Variants in PLAAT3 observed in about 807,000 individuals in gnomAD.
PLAAT3 encodes phospholipase A and acyltransferase 3, also known as Ca-independent phospholipase A1/2.
In PLAAT3, 21 loss-of-function variants were observed where a neutral mutation model predicts 16.7. The ratio of observed to expected loss-of-function variants is 1.26; its 90% CI spans 0.89 to 1.81. The LOEUF is 1.81. Among genes scored for constraint, PLAAT3 ranks in the 40% most tolerant of loss-of-function variants. The pLI is 0.00. For missense variants in PLAAT3, 219 were observed against 213.7 expected, an observed-to-expected ratio of 1.02 and a Z score of -0.16; for synonymous variants, 76 against 81.7, an observed-to-expected ratio of 0.93 and a Z score of 0.38.
At chr11:63,615,242 A>ATATGTGTGTG (rs773527764), upstream of PLAAT3, among the ~76,000 whole-genome samples, 187 of 18,994 alleles carry the variant, frequency 9.8e-3, 28 homozygotes, top group African/African-American at 0.022. Context: ...ATATATGTGT[A>ATATGTGTGTG]TATATGTGTG....
chr11:63,615,430 G>GTGTGTGTA (rs1337633002), upstream of PLAAT3, among the ~76,000 whole-genome samples: 1 of 75,590 alleles, frequency 1.3e-5, no homozygotes, highest in African/African-American at 4.9e-5. Context: ...GTGTGTGTGT[G>GTGTGTGTA]TATATACACA....
upstream of PLAAT3, among the ~76,000 whole-genome samples, chr11:63,615,172 G>GTATATGTGTA (rs1555047910): frequency 5.6e-3 from 102 of 18,300 alleles, 36 homozygotes; most frequent in East Asian, 0.038. Context: ...ATATATGTGT[G>GTATATGTGTA]TATATGTGTG....
chr11:63,592,234 T>C (rs1938171112), intron 3 of PLAAT3, among the ~76,000 whole-genome samples: 1 of 152,148 alleles, frequency 6.6e-6, no homozygotes, highest in Non-Finnish European at 1.5e-5. Flanking sequence ...TGGTGTGATC[T>C]TGGCTCGCTG....
At chr11:63,615,220 G>GTGTA (rs1341619535), upstream of PLAAT3, among the ~76,000 whole-genome samples, 60 of 54,600 alleles carry the variant, frequency 1.1e-3, 15 homozygotes, top group African/African-American at 3.9e-3. Flanking sequence ...ATATATATGT[G>GTGTA]TATATATGTG....
chr11:63,606,607 A>G (rs1016065952), intron 2 of PLAAT3, among the ~76,000 whole-genome samples: 46 of 152,294 alleles, frequency 3.0e-4, no homozygotes, highest in African/African-American at 1.0e-3. Context: ...AGAGTCAGGG[A>G]GACTCCCAGA....
chr11:63,615,428 G>A (rs200045361), upstream of PLAAT3, among the ~76,000 whole-genome samples: 10 of 81,412 alleles, frequency 1.2e-4, no homozygotes, highest in Admixed American at 3.9e-4. Context: ...GTGTGTGTGT[G>A]TGTATATACA....
intron 4 of PLAAT3, among the ~76,000 whole-genome samples, chr11:63,581,254 C>G (rs530518014): frequency 6.6e-6 from 1 of 152,232 alleles, no homozygotes; most frequent in South Asian, 2.1e-4. Context: ...CCTGCGGGGT[C>G]GGGCAGAATA....
intron 4 of PLAAT3, among the ~76,000 whole-genome samples, chr11:63,588,930 G>T (rs1938056300): frequency 6.7e-6 from 1 of 148,418 alleles, no homozygotes. Flanking sequence ...CCATTCAAGT[G>T]GCTGTGGCCC....
At chr11:63,587,006 C>T (rs539738905) in intron 4 of PLAAT3, among the ~76,000 whole-genome samples, 3 of 152,350 alleles carry the variant, frequency 2.0e-5, no homozygotes, top group African/African-American at 7.2e-5. Context: ...ATCACTTGAA[C>T]CCAGGAGGCA....
chr11:63,603,373 A>C (rs1938476476), intron 2 of PLAAT3, among the ~76,000 whole-genome samples: 2 of 152,278 alleles, frequency 1.3e-5, no homozygotes, highest in Middle Eastern at 3.4e-3. Flanking sequence ...CTCTGCACCC[A>C]CGGGATTTCA....
At chr11:63,578,834 A>G (rs1937701912) in intron 4 of PLAAT3, among the ~76,000 whole-genome samples, 1 of 151,404 alleles carries the variant, frequency 6.6e-6, no homozygotes, top group African/African-American at 2.4e-5. Context: ...TGTCTAAAAC[A>G]CCAAAAGCAA....
intron 4 of PLAAT3, among the ~76,000 whole-genome samples, chr11:63,587,502 A>G (rs944607181): frequency 6.6e-6 from 1 of 151,996 alleles, no homozygotes; most frequent in Non-Finnish European, 1.5e-5. Flanking sequence ...AGGATAAAAT[A>G]AAGATATTTT....
chr11:63,613,454 C>A lies in PLAAT3; in HGVS notation c.15+546G>T, dbSNP rs138971501. Reference sequence around the variant, plus strand: ...TAAAAATAAATAAATAAAACAAAACCTTCACTCTGGGAAACAGTGGATTTG... The same window carrying A: ...TAAAAATAAATAAATAAAACAAAACATTCACTCTGGGAAACAGTGGATTTG... On this transcript the variant is annotated intron_variant, in intron 2 of 4. Coordinates refer to ENST00000415826, the MANE Select transcript of PLAAT3 (RefSeq NM_001128203.2). Among the ~76,000 whole-genome samples the A allele has an allele frequency of 2.7e-3, 404 of 152,054 alleles. 1 individual carries two copies. Among genetic ancestry groups the A allele is most frequent in the African/African-American group, 9.2e-3 (383 of 41,526 alleles).
chr11:63,593,665 C>T (rs969268733), intron 3 of PLAAT3, among the ~76,000 whole-genome samples: 2 of 123,968 alleles, frequency 1.6e-5, no homozygotes, highest in African/African-American at 5.4e-5. Context: ...GCCTCCTGCT[C>T]GTGCCTCAGC....
Position 63,598,172 on chromosome 11 carries a change from C to T in PLAAT3, c.16-9G>A, listed in dbSNP as rs1486999972. 6.3e-7 allele frequency: 1 copy of T among 1,598,304 alleles called. No individual in the cohort carries two copies. The highest frequency in any genetic ancestry group is 8.6e-7 in the Non-Finnish European group (1 of 1,165,690). Reference sequence around the variant, plus strand: ...CCAGGCTTAGGCTCTGGCTGCAAAACCAAGAACAGGGCTGTTAGAGGGAGC... The same window carrying T: ...CCAGGCTTAGGCTCTGGCTGCAAAATCAAGAACAGGGCTGTTAGAGGGAGC... On this transcript the variant is annotated splice_polypyrimidine_tract_variant and intron_variant, in intron 2 of 4. Coordinates refer to ENST00000415826, the MANE Select transcript of PLAAT3 (RefSeq NM_001128203.2).
At chr11:63,591,767 G>A (rs1169459652) in intron 3 of PLAAT3, among the ~76,000 whole-genome samples, 1 of 152,232 alleles carries the variant, frequency 6.6e-6, no homozygotes, top group Admixed American at 6.5e-5. Context: ...AAATAAAAGA[G>A]AGGGTGCCTT....
intron 4 of PLAAT3, among the ~76,000 whole-genome samples, chr11:63,587,027 C>A (rs978993835): frequency 1.3e-5 from 2 of 152,114 alleles, no homozygotes; most frequent in Non-Finnish European, 2.9e-5. Context: ...GAGGTTACAG[C>A]GAGCCAACAT....
chr11:63,613,540 A>ATC (rs1938746646), intron 2 of PLAAT3, among the ~76,000 whole-genome samples: 1 of 152,276 alleles, frequency 6.6e-6, no homozygotes, highest in African/African-American at 2.4e-5. Flanking sequence ...TCCAAATCCC[A>ATC]TCCTCTGAAT....
At chr11:63,608,042 C>A (rs1263029659) in intron 2 of PLAAT3, among the ~76,000 whole-genome samples, 1 of 151,980 alleles carries the variant, frequency 6.6e-6, no homozygotes, top group Non-Finnish European at 1.5e-5. Context: ...AAAAATTAGG[C>A]GTAGTGGCAC....
Sources: gnomAD v4.1 joint callset for allele counts (sites outside exome capture counted in the v4.1 genomes callset) on GRCh38, gnomAD v4.1.1 for gene constraint, MANE v1.5 for transcripts, NCBI Gene and HGNC (gene_info 2026-07-23, HGNC 2026-07-21) for gene names.